ASZ1: variants seen among roughly 807,000 people sequenced by gnomAD.
The protein encoded by ASZ1 is ankyrin repeat, SAM and basic leucine zipper domain containing 1.
ASZ1 carries 67 observed loss-of-function variants against 61.8 expected under a neutral mutation model. That is an observed-to-expected ratio of 1.08 (90% confidence interval 0.89 to 1.33). The LOEUF is 1.33. Among genes scored for constraint, ASZ1 ranks in the 40% most tolerant of loss-of-function variants. The pLI, the probability that ASZ1 is intolerant of heterozygous loss-of-function variation, is 0.00. For synonymous variants in ASZ1, 193 were observed against 192.7 expected (o/e 1.00, Z -0.01); for missense variants, 577 against 554.5 (o/e 1.04, Z -0.41).
At position 117,422,266 on chromosome 7, in the gene ASZ1, TC is replaced by T; in HGVS notation, c.298del (p.Asp100ThrfsTer16). On this transcript the variant is annotated frameshift_variant, in exon 3 of 13. Transcript: ENST00000284629. LOFTEE classifies it high-confidence loss of function. Reference protein sequence around the residue: ...ANAELVRVLLDRGANASFEKD... With the variant: ...ANAELVRVLLXRGANASFEKD... ...CTCAAAGCTTGCATTAGCACCTCTG[TC>T]CAAAAGGACCCGAACCAGCTCTGCA... The T allele has an allele frequency of 6.2e-7, 1 of 1,613,894 alleles. No individual in the cohort carries two copies. Among genetic ancestry groups the T allele is most frequent in the Non-Finnish European group, 8.5e-7 (1 of 1,179,912 alleles).
rs762683787 is a variant in ASZ1 at position 117,363,587 on chromosome 7, A to G, written c.*9T>C. On this transcript the variant is annotated 3_prime_UTR_variant, in exon 13 of 13. Transcript: ENST00000284629. The stretch of plus-strand genomic sequence containing the variant: ...GATGTGTATATATAACTTAAAACAA[A>G]TATTTGGATTATTTCCTCTGGAAAG... 1 of 1,586,792 alleles carries G rather than the reference A, an allele frequency of 6.3e-7. No homozygotes were observed. The highest frequency in any genetic ancestry group is 2.3e-5 in the East Asian group (1 of 44,178).
chr7:117,411,345 G>A (rs774698992), intron 4 of ASZ1, among the ~76,000 whole-genome samples: 54 of 151,656 alleles, frequency 3.6e-4, no homozygotes, highest in Non-Finnish European at 6.8e-4. Flanking sequence ...ATGATAATGG[G>A]GCAATTTATT....
At chr7:117,364,717 A>G (rs1795901006) in intron 12 of ASZ1, among the ~76,000 whole-genome samples, 1 of 152,180 alleles carries the variant, frequency 6.6e-6, no homozygotes, top group Non-Finnish European at 1.5e-5. Flanking sequence ...TTTTAAATTT[A>G]TAGCAGAAAA....
chr7:117,402,574 T>A (rs944900131), intron 4 of ASZ1, among the ~76,000 whole-genome samples: 1 of 152,150 alleles, frequency 6.6e-6, no homozygotes, highest in Non-Finnish European at 1.5e-5. Context: ...TTATATTTGT[T>A]TCATTATGAC....
chr7:117,380,863 G>C, intron 9 of ASZ1, 148 bp downstream of exon 9: 5 of 684,808 alleles, frequency 7.3e-6, no homozygotes, highest in African/African-American at 1.8e-5. Context: ...TTTTAGATAC[G>C]GTTATCCATA....
intron 4 of ASZ1, among the ~76,000 whole-genome samples, chr7:117,390,555 T>A (rs1796444435): frequency 6.6e-6 from 1 of 152,178 alleles, no homozygotes; most frequent in Admixed American, 6.5e-5. Context: ...ATATACTCAG[T>A]AATGGGATGG....
intron 4 of ASZ1, among the ~76,000 whole-genome samples, chr7:117,392,638 C>T (rs376564385): frequency 1.3e-5 from 2 of 152,006 alleles, no homozygotes; most frequent in African/African-American, 2.4e-5. Flanking sequence ...ATACAATAAG[C>T]AAAGGCATTT....
At chr7:117,394,740 T>G (rs1237595606) in intron 4 of ASZ1, among the ~76,000 whole-genome samples, 3 of 152,186 alleles carry the variant, frequency 2.0e-5, no homozygotes, top group Non-Finnish European at 2.9e-5. Context: ...CCCTTTGTGT[T>G]GTATTCTTGG....
chr7:117,424,333 C>CA (rs1021096365), intron 2 of ASZ1, among the ~76,000 whole-genome samples: 1 of 151,908 alleles, frequency 6.6e-6, no homozygotes, highest in East Asian at 1.9e-4. Flanking sequence ...CTTTGAAAGG[C>CA]AAAAAATTAA....
rs1314835634 is a variant in ASZ1, at chr7:117,379,166, T to TACACACACAC, written c.1055+771_1055+772insGTGTGTGTGT. Reference sequence around the variant, plus strand: ...ATATATATATATATATATATATATATATACACACACACACACACACACACA... The same window carrying TACACACACAC: ...ATATATATATATATATATATATATATACACACACACATACACACACACACACACACACACA... On this transcript the variant is annotated intron_variant, in intron 10 of 12. Transcript: ENST00000284629. 6.6e-3 allele frequency among the ~76,000 whole-genome samples: 405 copies of TACACACACAC among 61,606 alleles called. 1 individual carries two copies. Among genetic ancestry groups the TACACACACAC allele is most frequent in the African/African-American group, 0.029 (393 of 13,434 alleles). 40.4% of individuals were successfully genotyped at this position (61,606 alleles called of 152,430 possible).
Position 117,380,458 on chromosome 7 carries a change from C to A in ASZ1, c.946-411G>T, listed in dbSNP as rs981497548. 2.6e-5 allele frequency among the ~76,000 whole-genome samples: 4 copies of A among 151,736 alleles called. No homozygotes were observed. In the East Asian group the frequency reaches 7.7e-4, roughly 29 times the overall value. On this transcript the variant is annotated intron_variant, in intron 9 of 12. Transcript: ENST00000284629. ...TTAGTGTTAAACTAAATTTTCTATA[C>A]TGGATTTAGTTTTGTAGTATGCTTA...
chr7:117,385,007 A>C (rs1037828836), intron 5 of ASZ1, 147 bp from the exon 6 acceptor site: 1 of 762,572 alleles, frequency 1.3e-6, no homozygotes, highest in African/African-American at 1.8e-5. Context: ...TTTACAATAT[A>C]ATGTAAACAT....
chr7:117,420,106 A>G, intron 4 of ASZ1, 57 bp downstream of exon 4: 2 of 1,314,834 alleles, frequency 1.5e-6, no homozygotes, highest in Non-Finnish European at 1.1e-6. Context: ...TAAAAGGCTG[A>G]TACCAAAGAA....
intron 4 of ASZ1, among the ~76,000 whole-genome samples, chr7:117,393,755 C>T (rs1441152308): frequency 3.3e-5 from 5 of 152,072 alleles, no homozygotes; most frequent in African/African-American, 1.2e-4. Context: ...GACATTTTTG[C>T]ACTTTCTGTT....
At chr7:117,394,550 T>A (rs574264529) in intron 4 of ASZ1, among the ~76,000 whole-genome samples, 1 of 152,338 alleles carries the variant, frequency 6.6e-6, no homozygotes, top group East Asian at 1.9e-4. Flanking sequence ...TAAATCTTTA[T>A]TCAGTGATTC....
intron 2 of ASZ1, among the ~76,000 whole-genome samples, chr7:117,424,802 G>A (rs755479419): frequency 1.2e-4 from 19 of 152,042 alleles, no homozygotes; most frequent in African/African-American, 2.9e-4. Context: ...ATTCAATTTC[G>A]TTTTTCAATT....
At chr7:117,374,970 G>A (rs944683055) in intron 10 of ASZ1, among the ~76,000 whole-genome samples, 5 of 152,092 alleles carry the variant, frequency 3.3e-5, no homozygotes, top group South Asian at 2.1e-4. Flanking sequence ...GTAATTAACC[G>A]GACCAAGTGC....
rs1036144827 is a variant in ASZ1 at position 117,383,015 on chromosome 7, A to G, written c.783T>C (p.Asp261=). 6.3e-7 allele frequency: 1 copy of G among 1,587,970 alleles called. No individual in the cohort carries two copies. The highest frequency in any genetic ancestry group is 1.4e-5 in the African/African-American group (1 of 73,616). The change falls in exon 7 of 13, where the codon GAT becomes GAC. Residue 261 remains aspartate (D), a synonymous_variant. Transcript: ENST00000284629. ...EDTICKILTT[D]SDREKDHIFS... ...AAATGTGATCTTTTTCTCTATCAGA[A>G]TCTGTTGTCAATATTTTACAAATAG...
chr7:117,387,940 A>T (rs1182709244), intron 4 of ASZ1, among the ~76,000 whole-genome samples: 2 of 152,202 alleles, frequency 1.3e-5, no homozygotes, highest in East Asian at 3.9e-4. Flanking sequence ...AGAGAGAAGA[A>T]ACAAGTTACC....
Sources: allele counts gnomAD v4.1 joint callset (sites outside exome capture counted in the v4.1 genomes callset), GRCh38; gene constraint gnomAD v4.1.1; transcripts MANE v1.5; gene names NCBI Gene and HGNC (gene_info 2026-07-23, HGNC 2026-07-21).